Variants in EPB41L3 observed in about 807,000 individuals in gnomAD.
EPB41L3 encodes band 4.1-like protein 3.
In EPB41L3, 57 loss-of-function variants were observed where a neutral mutation model predicts 127.1. That is an observed-to-expected ratio of 0.45 (90% CI 0.36 to 0.56). EPB41L3 has a LOEUF of 0.56. EPB41L3 is among the 20% of genes least tolerant of loss of function. The pLI, the probability that EPB41L3 is intolerant of heterozygous loss-of-function variation, is 0.00. For synonymous variants in EPB41L3, 572 were observed against 549.5 expected (o/e 1.04, Z -0.57); for missense variants, 1,273 against 1,372.2 (o/e 0.93, Z 1.14).
In EPB41L3 at chr18:5,397,487, A is replaced by C; in HGVS notation, c.2473-61T>G. On this transcript the variant is annotated intron_variant, in intron 17 of 22. Coordinates refer to ENST00000341928, the MANE Select transcript of EPB41L3 (RefSeq NM_012307.5). The surrounding 1 kb of genome is among the most constrained non-coding windows in gnomAD (Gnocchi z 4.1). ...TCCATAAACCAAAGGTCAGAAAATA[A>C]CTAAAGCTGCCACTCGCCAGGATGT... The C allele has an allele frequency of 6.6e-7, 1 of 1,518,068 alleles. No individual in the cohort carries two copies. The highest frequency in any genetic ancestry group is 8.8e-7 in the Non-Finnish European group (1 of 1,136,012). 94.0% of individuals were successfully genotyped at this position (1,518,068 alleles called of 1,614,324 possible).
intron 3 of EPB41L3, among the ~76,000 whole-genome samples, chr18:5,466,524 T>A (rs2085019754): frequency 6.6e-6 from 1 of 152,188 alleles, no homozygotes; most frequent in Non-Finnish European, 1.5e-5. Context: ...ACTTCCACAT[T>A]TTGTTGGAAA....
intron 3 of EPB41L3, among the ~76,000 whole-genome samples, chr18:5,556,665 A>G (rs1226732627): frequency 6.6e-6 from 1 of 152,160 alleles, no homozygotes; most frequent in African/African-American, 2.4e-5. Context: ...CCCAAGAGAC[A>G]ATGAGTTTTT....
intron 3 of EPB41L3, among the ~76,000 whole-genome samples, chr18:5,568,999 CA>C (rs1451454784): frequency 6.6e-6 from 1 of 152,178 alleles, no homozygotes; most frequent in East Asian, 1.9e-4. Flanking sequence ...ACATTTCTAT[CA>C]ATATAATCTT....
chr18:5,469,185 G>A (rs900534566), intron 3 of EPB41L3, among the ~76,000 whole-genome samples: 1 of 152,080 alleles, frequency 6.6e-6, no homozygotes, highest in African/African-American at 2.4e-5. Context: ...CCACACTGGG[G>A]GTGACAAGAA....
chr18:5,627,735 A>G (rs2094937511), intron 1 of EPB41L3, among the ~76,000 whole-genome samples: 1 of 152,226 alleles, frequency 6.6e-6, no homozygotes, highest in Non-Finnish European at 1.5e-5. Flanking sequence ...AGAATGAGAA[A>G]GAGCCCTGCC....
At chr18:5,535,688 C>T (rs2093551946) in intron 1 of EPB41L3, among the ~76,000 whole-genome samples, 1 of 152,162 alleles carries the variant, frequency 6.6e-6, no homozygotes, top group African/African-American at 2.4e-5. Flanking sequence ...CTAGCACCAC[C>T]TTCAGGATCA....
intron 3 of EPB41L3, among the ~76,000 whole-genome samples, chr18:5,592,867 G>A (rs557342715): frequency 1.4e-4 from 21 of 152,286 alleles, no homozygotes; most frequent in Admixed American, 7.2e-4. Context: ...CTTTATTGTC[G>A]TAGTCTCTGG....
At chr18:5,546,484 C>G (rs368952523), upstream of EPB41L3, among the ~76,000 whole-genome samples, 19 of 151,368 alleles carry the variant, frequency 1.3e-4, no homozygotes, top group East Asian at 3.1e-3. Flanking sequence ...GAGCCGAGAT[C>G]TCACCACTGC....
At chr18:5,568,088 T>C (rs2094230635) in intron 3 of EPB41L3, among the ~76,000 whole-genome samples, 1 of 152,126 alleles carries the variant, frequency 6.6e-6, no homozygotes, top group Non-Finnish European at 1.5e-5. Context: ...AAAATATCTG[T>C]AAGAGAAAAG....
intron 2 of EPB41L3, among the ~76,000 whole-genome samples, chr18:5,612,826 C>T (rs1046179781): frequency 7.9e-5 from 12 of 152,142 alleles, no homozygotes; most frequent in East Asian, 1.9e-4. Flanking sequence ...CTGTAATCTC[C>T]GCCTCCAGGG....
chr18:5,470,331 A>G (rs2085882889), intron 3 of EPB41L3, among the ~76,000 whole-genome samples: 2 of 152,230 alleles, frequency 1.3e-5, no homozygotes, highest in Non-Finnish European at 2.9e-5. Context: ...CAGTGCCTGG[A>G]ATGTAACAAG....
chr18:5,496,869 A>C (rs1027946955), intron 1 of EPB41L3, among the ~76,000 whole-genome samples: 8 of 152,340 alleles, frequency 5.3e-5, no homozygotes, highest in Non-Finnish European at 1.2e-4. Flanking sequence ...GATAAAGATG[A>C]ACAAGGTCTC....
At chr18:5,396,769 T>C (rs747299276) in intron 18 of EPB41L3, among the ~76,000 whole-genome samples, 1 of 152,128 alleles carries the variant, frequency 6.6e-6, no homozygotes, top group Non-Finnish European at 1.5e-5. Flanking sequence ...TTGGCCAACT[T>C]TGCATTTCCC....
At chr18:5,476,113 C>G (rs367800958) in intron 3 of EPB41L3, among the ~76,000 whole-genome samples, 1 of 152,106 alleles carries the variant, frequency 6.6e-6, no homozygotes, top group Admixed American at 6.5e-5. Context: ...ATTTACAATA[C>G]ATTTTTCTCA....
intron 3 of EPB41L3, among the ~76,000 whole-genome samples, chr18:5,450,084 G>T (rs936582577): frequency 6.6e-6 from 1 of 152,004 alleles, no homozygotes; most frequent in Non-Finnish European, 1.5e-5. Context: ...TGCAGATAAT[G>T]GGGGGGACTA....
At chr18:5,529,823 T>C (rs984351379) in intron 1 of EPB41L3, among the ~76,000 whole-genome samples, 1 of 152,124 alleles carries the variant, frequency 6.6e-6, no homozygotes, top group African/African-American at 2.4e-5. Flanking sequence ...TCTGGCTTGC[T>C]GGCTGATACA....
intron 3 of EPB41L3, among the ~76,000 whole-genome samples, chr18:5,595,688 A>G (rs906892581): frequency 6.6e-5 from 10 of 152,106 alleles, no homozygotes; most frequent in Non-Finnish European, 1.3e-4. Context: ...TTTGATACAT[A>G]CTACATACTT....
chr18:5,434,540 T>C (rs961942219), intron 6 of EPB41L3, among the ~76,000 whole-genome samples: 3 of 152,174 alleles, frequency 2.0e-5, no homozygotes, highest in African/African-American at 7.2e-5. Context: ...CACAAAACGA[T>C]GTTGCAGTCA....
chr18:5,558,262 A>T (rs1464734329), intron 3 of EPB41L3, among the ~76,000 whole-genome samples: 2 of 152,232 alleles, frequency 1.3e-5, no homozygotes, highest in African/African-American at 4.8e-5. Context: ...GTTTAAAAAA[A>T]TCATCATTTA....
Sources: gnomAD v4.1 joint callset for allele counts (sites outside exome capture counted in the v4.1 genomes callset) on GRCh38, gnomAD v4.1.1 for gene constraint, Gnocchi (gnomAD v3.1) non-coding constraint, MANE v1.5 for transcripts, NCBI Gene and HGNC (gene_info 2026-07-23, HGNC 2026-07-21) for gene names.